Variants in PTDSS1 observed in about 807,000 individuals in gnomAD.
PTDSS1 encodes phosphatidylserine synthase 1.
In PTDSS1, 45 loss-of-function variants were observed where a neutral mutation model predicts 70.5. The ratio of observed to expected loss-of-function variants is 0.64; its 90% CI spans 0.50 to 0.82. The LOEUF is 0.82. Ranked by LOEUF, PTDSS1 falls within the 40% of genes least tolerant of loss-of-function variation. The probability of loss-of-function intolerance (pLI) is 0.00; values close to 1 mark genes in which losing one functional copy is unlikely to be tolerated. For missense variants in PTDSS1, 417 were observed against 586.1 expected, an observed-to-expected ratio of 0.71 and a Z score of 2.98; for synonymous variants, 188 against 203.8, an observed-to-expected ratio of 0.92 and a Z score of 0.66.
chr8:96,336,723 G>A lies in PTDSS1; in HGVS notation c.*3157G>A, dbSNP rs62514612. On this transcript the variant is annotated 3_prime_UTR_variant, in exon 13 of 13. Coordinates refer to ENST00000517309, the MANE Select transcript of PTDSS1 (RefSeq NM_014754.3). Reference sequence around the variant, plus strand: ...AAGATGTAAGGAGAGCTGGCCGGGCGCAGGGCTCACGCCTGTAATCCCAGC... The same window carrying A: ...AAGATGTAAGGAGAGCTGGCCGGGCACAGGGCTCACGCCTGTAATCCCAGC... The A allele has an allele frequency of 0.1, 15,392 of 151,944 alleles. 889 individuals carry two copies. The highest frequency in any genetic ancestry group is 0.21 in the Middle Eastern group (61 of 296). 9.4% of individuals were successfully genotyped at this position (151,944 alleles called of 1,614,324 possible).
chr8:96,264,920 A>G (rs1421346906), intron 1 of PTDSS1, among the ~76,000 whole-genome samples: 2 of 152,252 alleles, frequency 1.3e-5, no homozygotes, highest in Non-Finnish European at 2.9e-5. Context: ...CAGAAATCAC[A>G]TAATGAAGAA....
chr8:96,298,498 T>A (rs1473904292), intron 5 of PTDSS1, among the ~76,000 whole-genome samples: 1 of 152,168 alleles, frequency 6.6e-6, no homozygotes, highest in African/African-American at 2.4e-5. Flanking sequence ...CAAAACAAAT[T>A]GATTTCTAGA....
rs965558638 is a variant in PTDSS1, at chr8:96,262,800, A to G, written c.179+581A>G. ...TTCCTGTGCAGCACTTCCCGTATGC[A>G]TTGCACACAAGTCATCCAGCATAAC... On this transcript the variant is annotated intron_variant, in intron 1 of 12. Coordinates refer to ENST00000517309, the MANE Select transcript of PTDSS1 (RefSeq NM_014754.3). The surrounding 1 kb of genome is among the most constrained non-coding windows in gnomAD (Gnocchi z 4.4). 6.6e-6 allele frequency among the ~76,000 whole-genome samples: 1 copy of G among 152,154 alleles called. No homozygotes were observed. The highest frequency in any genetic ancestry group is 2.4e-5 in the African/African-American group (1 of 41,408).
At chr8:96,286,664 A>G (rs16894426) in intron 3 of PTDSS1, among the ~76,000 whole-genome samples, 12,452 of 152,238 alleles carry the variant, frequency 0.082, 1,640 homozygotes, top group African/African-American at 0.27. Flanking sequence ...CTCTAGCCAC[A>G]TACGGGGTCC....
intron 9 of PTDSS1, among the ~76,000 whole-genome samples, chr8:96,316,529 A>T (rs532042636): frequency 4.6e-5 from 7 of 152,182 alleles, no homozygotes; most frequent in Non-Finnish European, 1.0e-4. Flanking sequence ...GGACATAAAC[A>T]TCAGAGTAAT....
At chr8:96,280,867 C>T (rs1001597393) in intron 2 of PTDSS1, among the ~76,000 whole-genome samples, 6 of 152,114 alleles carry the variant, frequency 3.9e-5, no homozygotes, top group African/African-American at 1.4e-4. Flanking sequence ...AGAACCATAA[C>T]AATGGTCAGA....
intron 10 of PTDSS1, among the ~76,000 whole-genome samples, chr8:96,326,104 C>T (rs1410447694): frequency 1.1e-4 from 16 of 152,198 alleles, no homozygotes; most frequent in Non-Finnish European, 2.4e-4. Context: ...ACTCTATTCT[C>T]AGGCTGCACT....
chr8:96,331,095 G>A lies in PTDSS1; in HGVS notation c.1312G>A (p.Gly438Ser). 6.3e-7 allele frequency: 1 copy of A among 1,587,648 alleles called. No individual in the cohort carries two copies. The highest frequency in any genetic ancestry group is 8.6e-7 in the Non-Finnish European group (1 of 1,162,070). Residue 438 changes from glycine to serine, a missense_variant and splice_region_variant, in exon 12 of 13, where the codon GGT becomes AGT. Gly to Ser is a moderately conservative substitution (Grantham distance 56, BLOSUM62 0). Coordinates refer to ENST00000517309, the MANE Select transcript of PTDSS1 (RefSeq NM_014754.3). ...ISWHHRKGTK[G>S]SEDSPPKHAG... Reference sequence around the variant, plus strand: ...CTGGCATCACAGGAAAGGGACAAAAGGTATCTTGTTCTTGTTCGTTGTTTA... The same window carrying A: ...CTGGCATCACAGGAAAGGGACAAAAAGTATCTTGTTCTTGTTCGTTGTTTA...
chr8:96,275,267 C>T (rs117366938), intron 2 of PTDSS1, among the ~76,000 whole-genome samples: 17 of 152,262 alleles, frequency 1.1e-4, no homozygotes, highest in Non-Finnish European at 1.9e-4. Flanking sequence ...GCAATCCTTC[C>T]GCCTCAGCCT....
chr8:96,283,183 G>T (rs868264386), intron 2 of PTDSS1, among the ~76,000 whole-genome samples: 1 of 152,180 alleles, frequency 6.6e-6, no homozygotes, highest in South Asian at 2.1e-4. Flanking sequence ...TGGCATGATT[G>T]TCACTGCAAA....
intron 10 of PTDSS1, among the ~76,000 whole-genome samples, chr8:96,320,843 G>A (rs759391600): frequency 6.6e-6 from 1 of 152,198 alleles, no homozygotes; most frequent in Non-Finnish European, 1.5e-5. Flanking sequence ...CCCAAGCCTG[G>A]ATATCACCTT....
At chr8:96,329,217 G>T (rs577758200) in intron 10 of PTDSS1, among the ~76,000 whole-genome samples, 2 of 152,282 alleles carry the variant, frequency 1.3e-5, no homozygotes, top group South Asian at 4.2e-4. Context: ...GGAAATGCAG[G>T]GGGAGAGATG....
intron 4 of PTDSS1, among the ~76,000 whole-genome samples, chr8:96,290,279 C>A (rs967585760): frequency 2.0e-5 from 3 of 152,194 alleles, no homozygotes; most frequent in Non-Finnish European, 4.4e-5. Context: ...TTTTCCCAAA[C>A]ATCTTTCTTG....
chr8:96,292,289 CAAA>C lies in PTDSS1; in HGVS notation c.442-2790_442-2788del, dbSNP rs34282078. ...CGCTCCAGCCTAGGCAACGCTGTCT[CAAA>C]AAAAAAAAAAAAAAAAAAGAAAAGA... On this transcript the variant is annotated intron_variant, in intron 4 of 12. Transcript: ENST00000517309. Among the ~76,000 whole-genome samples, 431 of 87,828 alleles carry C rather than the reference CAAA, an allele frequency of 4.9e-3. 4 individuals are homozygous for C. Among genetic ancestry groups the C allele is most frequent in the African/African-American group, 0.014 (411 of 28,970 alleles). The allele number at this position is 87,828 out of a possible 152,430, so 57.6% of individuals were successfully genotyped here.
At position 96,334,043 on chromosome 8, in the gene PTDSS1, CTGT is replaced by C. The variant is rs375858063; in HGVS notation, c.*482_*484del. On this transcript the variant is annotated 3_prime_UTR_variant, in exon 13 of 13. Coordinates refer to ENST00000517309, the MANE Select transcript of PTDSS1 (RefSeq NM_014754.3). ...CACTTTTCTGTCTTTTATTTGGTTA[CTGT>C]TGTTATTTGTTTTTAAGTTAGGATG... 6.2e-3 allele frequency: 2,654 copies of C among 425,336 alleles called. 11 individuals are homozygous for C. Among genetic ancestry groups the C allele is most frequent in the South Asian group, 9.8e-3 (142 of 14,488 alleles). The allele number at this position is 425,336 out of a possible 1,614,324, so 26.3% of individuals were successfully genotyped here.
intron 10 of PTDSS1, 77 bp downstream of exon 10, chr8:96,320,422 C>T: frequency 7.8e-7 from 1 of 1,273,976 alleles, no homozygotes; most frequent in Non-Finnish European, 1.1e-6. Flanking sequence ...GGCAAAGAAA[C>T]CCTCTTGTGT....
At chr8:96,271,135 T>C (rs948562309) in intron 1 of PTDSS1, among the ~76,000 whole-genome samples, 1 of 152,196 alleles carries the variant, frequency 6.6e-6, no homozygotes, top group African/African-American at 2.4e-5. Context: ...CCTCTCTCCA[T>C]ACTTCTCCCC....
At chr8:96,331,225 A>G (rs1586213489) in intron 12 of PTDSS1, 130 bp downstream of exon 12, 3 of 839,410 alleles carry the variant, frequency 3.6e-6, no homozygotes, top group African/African-American at 3.4e-5. Context: ...GTCTCCTGTC[A>G]CTTATTAAGA....
Position 96,304,170 on chromosome 8 carries a change from A to G in PTDSS1, c.883A>G (p.Ile295Val), listed in dbSNP as rs1323007000. ...AGTAGCTGGAGTGTACCTTTTCATG[A>G]TCATCTGGCAGGTATTTTTTCAGAT... ...QRVAGVYLFM[I>V]IWQLTELNTF... Residue 295 changes from isoleucine to valine, a missense_variant, in exon 7 of 13, where the codon ATC becomes GTC. Coordinates refer to ENST00000517309, the MANE Select transcript of PTDSS1 (RefSeq NM_014754.3). 1 of 1,602,236 alleles carries G rather than the reference A, an allele frequency of 6.2e-7. No homozygotes were observed. The highest frequency in any genetic ancestry group is 1.8e-5 in the Admixed American group (1 of 56,068).
Sources: allele counts gnomAD v4.1 joint callset (sites outside exome capture counted in the v4.1 genomes callset), GRCh38; gene constraint gnomAD v4.1.1; non-coding constraint Gnocchi (gnomAD v3.1); transcripts MANE v1.5; gene names NCBI Gene and HGNC (gene_info 2026-07-23, HGNC 2026-07-21).